ACTR3B: variants seen among roughly 807,000 people sequenced by gnomAD.
ACTR3B encodes actin-related protein 3B.
In ACTR3B, 8 loss-of-function variants were observed where a neutral mutation model predicts 59.0. The ratio of observed to expected loss-of-function variants is 0.14; its 90% CI spans 0.08 to 0.24. The LOEUF is 0.24. Ranked by LOEUF, ACTR3B falls within the 10% of genes least tolerant of loss-of-function variation. The pLI is 1.00. For synonymous variants in ACTR3B, 148 were observed against 197.9 expected (o/e 0.75, Z 2.12); for missense variants, 245 against 552.3 (o/e 0.44, Z 5.58).
At chr7:152,760,007 G>A (rs2098084118) in intron 1 of ACTR3B, 81 bp downstream of exon 1, 1 of 1,211,616 alleles carries the variant, frequency 8.3e-7, no homozygotes, top group Non-Finnish European at 1.0e-6. Flanking sequence ...TGGAGGTCGA[G>A]CTGCGTCCGT....
intron 9 of ACTR3B, among the ~76,000 whole-genome samples, chr7:152,828,739 T>C (rs879486631): frequency 3.3e-4 from 49 of 149,650 alleles, no homozygotes; most frequent in South Asian, 2.3e-3. Context: ...GGTAAGACGC[T>C]CACTCTCCAG....
chr7:152,778,807 A>G (rs1180876563), intron 1 of ACTR3B, among the ~76,000 whole-genome samples: 2 of 151,530 alleles, frequency 1.3e-5, no homozygotes, highest in Admixed American at 6.6e-5. Flanking sequence ...GCCGGGTGTG[A>G]TGGCCTGTGC....
At position 152,785,298 on chromosome 7, in the gene ACTR3B, G is replaced by A. The variant is rs200811527; in HGVS notation, c.100+2056G>A. Among the ~76,000 whole-genome samples, 148 of 142,182 alleles carry A rather than the reference G, an allele frequency of 1.0e-3. No individual in the cohort carries two copies. In the East Asian group the frequency reaches 0.021, roughly 20 times the overall value. 93.3% of individuals were successfully genotyped at this position (142,182 alleles called of 152,430 possible). A position where few individuals can be genotyped will look rare whatever the true frequency, so the allele number is the denominator to read the frequency against. ...TGCAGCTGTCAGAACCTTAGCAGTC[G>A]CAGAAGCTAGGAGGATAATACAAAT... is the stretch of plus-strand genomic sequence containing the variant. On this transcript the variant is annotated intron_variant, in intron 2 of 11. Coordinates refer to ENST00000256001, the MANE Select transcript of ACTR3B (RefSeq NM_020445.6).
intron 2 of ACTR3B, among the ~76,000 whole-genome samples, chr7:152,784,980 T>C (rs1022234109): frequency 6.6e-6 from 1 of 152,126 alleles, no homozygotes; most frequent in African/African-American, 2.4e-5. Context: ...GATGAATCAG[T>C]CTTTTGTGAA....
At chr7:152,836,617 T>A (rs1156693908) in intron 9 of ACTR3B, among the ~76,000 whole-genome samples, 1 of 152,144 alleles carries the variant, frequency 6.6e-6, no homozygotes, top group Non-Finnish European at 1.5e-5. Context: ...CTGTGCTCTA[T>A]AAGCAGTGAA....
At chr7:152,818,613 A>G (rs534373840) in intron 6 of ACTR3B, among the ~76,000 whole-genome samples, 1 of 152,090 alleles carries the variant, frequency 6.6e-6, no homozygotes. Context: ...ACCATGCCTG[A>G]CTAATTTGTA....
At chr7:152,843,454 A>G (rs1368508555) in intron 9 of ACTR3B, among the ~76,000 whole-genome samples, 1 of 152,228 alleles carries the variant, frequency 6.6e-6, no homozygotes, top group African/African-American at 2.4e-5. Flanking sequence ...TTATTTCCCT[A>G]TTGAAGTATC....
intron 1 of ACTR3B, among the ~76,000 whole-genome samples, chr7:152,766,062 G>A (rs2116496196): frequency 6.6e-6 from 1 of 152,170 alleles, no homozygotes; most frequent in South Asian, 2.1e-4. Context: ...ATTTTTAGAA[G>A]CTCTTCATGT....
In ACTR3B at chr7:152,759,784, T is replaced by C. The variant is rs2117081817; in HGVS notation, c.-99T>C. ...CTCCCGGCAGCGGCGCTGCGGCGGC[T>C]CGCGGGAGACGCTGCGCGCGGGGCT... On this transcript the variant is annotated 5_prime_UTR_variant, in exon 1 of 12. Transcript: ENST00000256001. 1.0e-6 allele frequency: 1 copy of C among 984,482 alleles called. No individual in the cohort carries two copies. Among genetic ancestry groups the C allele is most frequent in the Middle Eastern group, 4.4e-4 (1 of 2,256 alleles). The allele number at this position is 984,482 out of a possible 1,614,324, so 61.0% of individuals were successfully genotyped here. A position where few individuals can be genotyped will look rare whatever the true frequency, so the allele number is the denominator to read the frequency against.
chr7:152,829,777 C>T (rs1325371630), intron 9 of ACTR3B, among the ~76,000 whole-genome samples: 1 of 152,200 alleles, frequency 6.6e-6, no homozygotes, highest in African/African-American at 2.4e-5. Flanking sequence ...CCATCAGCGC[C>T]AGCCCACTCT....
rs547191358 is a variant in ACTR3B at position 152,844,151 on chromosome 7, A to G, written c.952-7975A>G. Among the ~76,000 whole-genome samples, 27 of 152,170 alleles carry G rather than the reference A, an allele frequency of 1.8e-4. 1 individual carries two copies. The highest frequency in any genetic ancestry group is 1.7e-3 in the South Asian group (8 of 4,800). On this transcript the variant is annotated intron_variant, in intron 9 of 11. Coordinates refer to ENST00000256001, the MANE Select transcript of ACTR3B (RefSeq NM_020445.6). ...CGGCTCACTGCAACCTCCGCCTCCC[A>G]GGTTCAAGCGATTCTCCTGCCTCAG... is the stretch of plus-strand genomic sequence containing the variant.
chr7:152,852,746 G>A (rs1018899408), intron 10 of ACTR3B, among the ~76,000 whole-genome samples: 4 of 152,144 alleles, frequency 2.6e-5, no homozygotes, highest in African/African-American at 9.7e-5. Context: ...TGGGCGCAAG[G>A]AAGAGATCCC....
intron 1 of ACTR3B, among the ~76,000 whole-genome samples, chr7:152,772,111 C>A (rs2098125488): frequency 1.3e-5 from 2 of 152,014 alleles, no homozygotes; most frequent in African/African-American, 4.8e-5. Context: ...GAATACTACA[C>A]ATATTTAAGC....
chr7:152,763,255 C>T (rs1231932634), intron 1 of ACTR3B, among the ~76,000 whole-genome samples: 2 of 122,142 alleles, frequency 1.6e-5, no homozygotes, highest in African/African-American at 6.4e-5. Context: ...GCGGAAGTTG[C>T]AGTGAGCCGA....
At chr7:152,760,642 T>C (rs1282707626) in intron 1 of ACTR3B, among the ~76,000 whole-genome samples, 9 of 152,194 alleles carry the variant, frequency 5.9e-5, no homozygotes, top group Admixed American at 5.9e-4. Context: ...ACCCTAAATT[T>C]GGGAGAGCAT....
At chr7:152,853,387 T>C in intron 10 of ACTR3B, 107 bp from the exon 11 acceptor site, 1 of 927,320 alleles carries the variant, frequency 1.1e-6, no homozygotes, top group Non-Finnish European at 1.7e-6. Flanking sequence ...GCTCGTGCCA[T>C]AAGAGGAGGG....
intron 1 of ACTR3B, 149 bp from the exon 2 acceptor site, chr7:152,783,038 C>T (rs1239839996): frequency 6.0e-5 from 28 of 468,366 alleles, no homozygotes; most frequent in Non-Finnish European, 8.9e-5. Flanking sequence ...TCTCAGTGAT[C>T]ACAAGTTTTT....
At chr7:152,769,650 A>G (rs529762808) in intron 1 of ACTR3B, among the ~76,000 whole-genome samples, 4 of 152,252 alleles carry the variant, frequency 2.6e-5, no homozygotes, top group African/African-American at 7.2e-5. Flanking sequence ...ATTTACATAT[A>G]TATGTATTTA....
intron 9 of ACTR3B, among the ~76,000 whole-genome samples, chr7:152,840,771 C>T (rs1485057211): frequency 8.3e-5 from 4 of 48,250 alleles, no homozygotes; most frequent in African/African-American, 2.3e-4. Context: ...CTGTCGGCGG[C>T]GGGGTGAGGG....
Sources: allele counts gnomAD v4.1 joint callset (sites outside exome capture counted in the v4.1 genomes callset), GRCh38; gene constraint gnomAD v4.1.1; transcripts MANE v1.5; gene names NCBI Gene and HGNC (gene_info 2026-07-23, HGNC 2026-07-21).